Variants in GALK2 observed in about 807,000 individuals in gnomAD.
GALK2 encodes N-acetylgalactosamine kinase.
A neutral mutation model predicts 52.4 loss-of-function variants in GALK2; 36 were observed. The observed-to-expected ratio is 0.69, with a 90% CI of 0.53 to 0.91. The LOEUF (loss-of-function observed/expected upper bound fraction) is 0.91, where lower values mean the gene tolerates loss of function less well. Ranked by LOEUF, GALK2 falls within the 40% of genes least tolerant of loss-of-function variation. The pLI, the probability that GALK2 is intolerant of heterozygous loss-of-function variation, is 0.00. For synonymous variants in GALK2, 176 were observed against 199.1 expected (o/e 0.88, Z 0.98); for missense variants, 579 against 559.1 (o/e 1.04, Z -0.36).
intron 5 of GALK2, among the ~76,000 whole-genome samples, chr15:49,259,895 A>G (rs1390828493): frequency 6.6e-6 from 1 of 151,766 alleles, no homozygotes. Context: ...CCACGTCCCT[A>G]CAAAGGATAT....
intron 5 of GALK2, among the ~76,000 whole-genome samples, chr15:49,245,169 G>A (rs541954165): frequency 6.6e-6 from 1 of 152,136 alleles, no homozygotes; most frequent in East Asian, 1.9e-4. Context: ...GGATGTAAGA[G>A]AGCTAAAATC....
chr15:49,365,666 A>T lies in GALK2; in HGVS notation c.427-1825A>T, dbSNP rs969779517. 3.8e-6 allele frequency: 4 copies of T among 1,044,262 alleles called. No individual in the cohort carries two copies. In the African/African-American group the frequency reaches 4.7e-5, roughly 12 times the overall value. 64.7% of individuals were successfully genotyped at this position (1,044,262 alleles called of 1,614,324 possible). On this transcript the variant is annotated intron_variant, in intron 3 of 3. Transcript: ENST00000558399. ...AGGAGAAGGCCTAGAAGTATCACAC[A>T]TGACTTGAAGCTGGCCAACTTCAGT...
At chr15:49,224,572 A>G (rs1007626845) in intron 3 of GALK2, among the ~76,000 whole-genome samples, 1 of 152,148 alleles carries the variant, frequency 6.6e-6, no homozygotes, top group Admixed American at 6.5e-5. Flanking sequence ...AGCACCATTT[A>G]TTGAATAGGG....
intron 1 of GALK2, among the ~76,000 whole-genome samples, chr15:49,189,339 C>G (rs1386076003): frequency 6.6e-6 from 1 of 152,130 alleles, no homozygotes; most frequent in Non-Finnish European, 1.5e-5. Flanking sequence ...ACAGTATTCT[C>G]TAATTACAGA....
At chr15:49,323,115 T>A (rs1191356221) in intron 9 of GALK2, among the ~76,000 whole-genome samples, 1 of 151,660 alleles carries the variant, frequency 6.6e-6, no homozygotes, top group African/African-American at 2.4e-5. Flanking sequence ...GGTAGTAACA[T>A]GGGGAAAGGT....
intron 5 of GALK2, among the ~76,000 whole-genome samples, chr15:49,253,642 ATT>A (rs2091700105): frequency 6.9e-6 from 1 of 144,230 alleles, no homozygotes; most frequent in African/African-American, 2.5e-5. Context: ...ATGATAGGCC[ATT>A]TAACTCTGTT....
intron 9 of GALK2, 108 bp downstream of exon 9, chr15:49,319,913 C>A: frequency 1.1e-6 from 1 of 922,026 alleles, no homozygotes; most frequent in Non-Finnish European, 1.6e-6. Flanking sequence ...TCATTCCCCA[C>A]TTCCTATATG....
chr15:49,327,952 G>A lies in GALK2; in HGVS notation c.1170G>A (p.Arg390=). The A allele has an allele frequency of 6.2e-7, 1 of 1,606,154 alleles. No homozygotes were observed. The highest frequency in any genetic ancestry group is 1.7e-5 in the Admixed American group (1 of 59,274). ...AATATTTTTTTCCTCACTGTTTTAG[G>A]AAGTTTGGGGCTCAAGGGTCACGAC... is the stretch of plus-strand genomic sequence containing the variant. The part of the protein sequence containing the change: ...PELDQLVDIC[R]KFGAQGSRLT... Residue 390 remains arginine, a splice_region_variant and synonymous_variant, in exon 10 of 10, where the codon CGG becomes CGA. Coordinates refer to ENST00000560031, the MANE Select transcript of GALK2 (RefSeq NM_002044.4).
In GALK2 at chr15:49,217,219, G is replaced by C. The variant is rs1229244926; in HGVS notation, c.172G>C (p.Val58Leu). Residue 58 changes from valine to leucine, a missense_variant, in exon 3 of 10, where the codon GTT becomes CTT. By Grantham distance (32) the Val-to-Leu change is conservative. Transcript: ENST00000560031. ...GEHIDYCGYS[V>L]LPMAVEQDVL... is the part of the protein sequence containing the mutation. ...GCATATAGATTATTGTGGATATTCTGTTCTTCCTATGGCTGTAGAACAAGA... is the reference window on the plus strand; with the variant it reads ...GCATATAGATTATTGTGGATATTCTCTTCTTCCTATGGCTGTAGAACAAGA... 2.5e-6 allele frequency: 4 copies of C among 1,611,820 alleles called. No homozygotes were observed. The South Asian group carries it at 3.3e-5, about 13-fold the overall frequency.
intron 1 of GALK2, among the ~76,000 whole-genome samples, chr15:49,183,035 G>T (rs2086087312): frequency 6.6e-6 from 1 of 151,870 alleles, no homozygotes; most frequent in Admixed American, 6.6e-5. Context: ...TTACTTTTAG[G>T]ACATTAGACA....
chr15:49,349,257 A>T (rs965225774), intron 3 of GALK2, among the ~76,000 whole-genome samples: 4 of 152,168 alleles, frequency 2.6e-5, no homozygotes, highest in African/African-American at 9.7e-5. Context: ...ATACTCATTC[A>T]TGTGAAACAA....
intron 3 of GALK2, among the ~76,000 whole-genome samples, chr15:49,349,949 A>G (rs373996657): frequency 6.6e-6 from 1 of 152,292 alleles, no homozygotes; most frequent in East Asian, 1.9e-4. Context: ...GAATTTAAGA[A>G]TTTAGATGGG....
intron 4 of GALK2, 119 bp downstream of exon 4, chr15:49,236,060 T>C: frequency 1.5e-6 from 1 of 686,430 alleles, no homozygotes; most frequent in Non-Finnish European, 2.5e-6. Context: ...GCTTCTGTTC[T>C]ATTTTGCTAG....
chr15:49,365,941 A>G, intron 3 of GALK2: 1 of 941,002 alleles, frequency 1.1e-6, no homozygotes, highest in East Asian at 2.4e-5. Context: ...AATTGCTATC[A>G]TAACATAAAC....
intron 1 of GALK2, among the ~76,000 whole-genome samples, chr15:49,180,657 A>G (rs1042503030): frequency 1.3e-5 from 2 of 152,126 alleles, no homozygotes; most frequent in Non-Finnish European, 2.9e-5. Flanking sequence ...AAGATCTGAG[A>G]CTTGATATCC....
chr15:49,163,480 A>T (rs1473551967), intron 1 of GALK2, among the ~76,000 whole-genome samples: 1 of 152,074 alleles, frequency 6.6e-6, no homozygotes, highest in Non-Finnish European at 1.5e-5. Flanking sequence ...TAGGTCTGCG[A>T]TCCATTTCAA....
At chr15:49,191,725 T>A (rs967850842) in intron 1 of GALK2, among the ~76,000 whole-genome samples, 6 of 152,182 alleles carry the variant, frequency 3.9e-5, no homozygotes, top group Non-Finnish European at 5.9e-5. Context: ...CTTATAAGTA[T>A]CTTTTGGTGA....
At chr15:49,156,713 G>T in intron 1 of GALK2, 1 of 530,148 alleles carries the variant, frequency 1.9e-6, no homozygotes. Flanking sequence ...ACTTTATCCA[G>T]AAACATGAAC....
At chr15:49,299,764 TTTCTTTC>T (rs2034902113) in intron 8 of GALK2, among the ~76,000 whole-genome samples, 3 of 121,518 alleles carry the variant, frequency 2.5e-5, no homozygotes, top group Non-Finnish European at 3.6e-5. Flanking sequence ...TCTTTCTTTC[TTTCTTTC>T]TTTCTTTCTT....
Sources: allele counts gnomAD v4.1 joint callset (sites outside exome capture counted in the v4.1 genomes callset), GRCh38; gene constraint gnomAD v4.1.1; transcripts MANE v1.5; gene names NCBI Gene and HGNC (gene_info 2026-07-23, HGNC 2026-07-21).